The following LINGO2 variants were observed in gnomAD, a reference collection of about 807,000 sequenced individuals.
LINGO2 encodes leucine rich repeat and Ig domain containing 2, also known as leucine-rich repeat and immunoglobulin-like domain-containing nogo receptor-interacting protein 2.
A neutral mutation model predicts 30.6 loss-of-function variants in LINGO2; 14 were observed. That is an observed-to-expected ratio of 0.46 (90% CI 0.30 to 0.72). The LOEUF is 0.72. LINGO2 is among the 30% of genes least tolerant of loss of function. The probability of loss-of-function intolerance (pLI) is 0.07; values close to 1 mark genes in which losing one functional copy is unlikely to be tolerated. For synonymous variants in LINGO2, 317 were observed against 288.5 expected (o/e 1.10, Z -1.00); for missense variants, 729 against 751.7 (o/e 0.97, Z 0.35).
At chr9:28,189,236 AAAGGAAGG>A (rs1329122692) in intron 4 of LINGO2, among the ~76,000 whole-genome samples, 2 of 115,222 alleles carry the variant, frequency 1.7e-5, no homozygotes, top group Admixed American at 1.9e-4. Flanking sequence ...AGGAAGGAAA[AAAGGAAGG>A]GAGGAAGGGA....
chr9:28,424,070 T>G (rs1291450753), intron 2 of LINGO2, among the ~76,000 whole-genome samples: 1 of 152,102 alleles, frequency 6.6e-6, no homozygotes, highest in East Asian at 1.9e-4. Flanking sequence ...TGCCTACCCC[T>G]TGTCCACATT....
the LINGO2 span, among the ~76,000 whole-genome samples, chr9:28,684,850 T>A: frequency 2.0e-5 from 3 of 152,082 alleles, no homozygotes; most frequent in Non-Finnish European, 4.4e-5. Flanking sequence ...TTATTTTAGG[T>A]TCAGAGGTAC....
At chr9:28,577,613 C>T (rs1164259551) in intron 1 of LINGO2, among the ~76,000 whole-genome samples, 2 of 152,122 alleles carry the variant, frequency 1.3e-5, no homozygotes, top group African/African-American at 2.4e-5. Context: ...TGCAATTCCC[C>T]TGTCTTGATA....
chr9:28,955,157 C>T, the LINGO2 span, among the ~76,000 whole-genome samples: 1 of 150,278 alleles, frequency 6.7e-6, no homozygotes, highest in South Asian at 2.1e-4. Flanking sequence ...AAAAGAGAAA[C>T]AATCATAGAG....
chr9:27,979,266 A>C (rs567591263), intron 5 of LINGO2, among the ~76,000 whole-genome samples: 59 of 152,028 alleles, frequency 3.9e-4, no homozygotes, highest in African/African-American at 1.3e-3. Flanking sequence ...TTGTACCAGG[A>C]TTTGCCATCC....
the LINGO2 span, among the ~76,000 whole-genome samples, chr9:29,132,952 C>CA: frequency 6.6e-6 from 1 of 151,888 alleles, no homozygotes; most frequent in Admixed American, 6.6e-5. Flanking sequence ...AACTCCTGGG[C>CA]TCAGGTAATC....
At chr9:28,556,874 C>A (rs1469596337) in intron 1 of LINGO2, among the ~76,000 whole-genome samples, 1 of 151,980 alleles carries the variant, frequency 6.6e-6, no homozygotes, top group East Asian at 1.9e-4. Context: ...TTTGAAAAAC[C>A]TGAGAAAAAC....
chr9:29,021,936 T>C, the LINGO2 span, among the ~76,000 whole-genome samples: 7 of 152,266 alleles, frequency 4.6e-5, no homozygotes, highest in South Asian at 8.3e-4. Context: ...AAATTATCTG[T>C]TTGTCATGAA....
chr9:28,001,359 TG>T (rs1285370817), intron 5 of LINGO2, among the ~76,000 whole-genome samples: 14 of 152,272 alleles, frequency 9.2e-5, no homozygotes, highest in Non-Finnish European at 1.8e-4. Flanking sequence ...ATCATCGACT[TG>T]TAGAATTTCT....
At chr9:28,234,736 T>A (rs1347827126) in intron 4 of LINGO2, among the ~76,000 whole-genome samples, 1 of 149,234 alleles carries the variant, frequency 6.7e-6, no homozygotes, top group Non-Finnish European at 1.5e-5. Flanking sequence ...GGCCACAGAC[T>A]GTCAGCTTCC....
At chr9:28,885,096 C>G in the LINGO2 span, among the ~76,000 whole-genome samples, 1 of 142,942 alleles carries the variant, frequency 7.0e-6, no homozygotes, top group African/African-American at 2.6e-5. Flanking sequence ...GCAGGGTCCC[C>G]TCCCTTTGGC....
chr9:29,213,400 C>T, the LINGO2 span, among the ~76,000 whole-genome samples: 2 of 152,206 alleles, frequency 1.3e-5, no homozygotes, highest in African/African-American at 4.8e-5. Context: ...AGCTTCGGAA[C>T]ACCGTCTCCC....
At chr9:27,938,532 A>T in the LINGO2 span, 1 of 151,978 alleles carries the variant, frequency 6.6e-6, no homozygotes, top group Non-Finnish European at 1.5e-5. Context: ...AGCCCTAGGG[A>T]CTCTCACTCC....
rs76123032 is a variant in LINGO2 at position 28,486,490 on chromosome 9, C to T, written c.-364-10465G>A. ...AAGATATTGTCTCCTGGAAATTTTT[C>T]CCAGTGCCTTATATTTTCCAAAGAA... On this transcript the variant is annotated intron_variant, in intron 1 of 5. Coordinates refer to ENST00000379992, the Ensembl canonical transcript of LINGO2. 5.5e-3 allele frequency among the ~76,000 whole-genome samples: 837 copies of T among 152,230 alleles called. 38 individuals are homozygous for T. In the East Asian group the frequency reaches 0.094, roughly 17 times the overall value.
At chr9:28,160,385 A>G (rs1056253667) in intron 4 of LINGO2, among the ~76,000 whole-genome samples, 1 of 152,222 alleles carries the variant, frequency 6.6e-6, no homozygotes, top group African/African-American at 2.4e-5. Flanking sequence ...AGAAACTGAA[A>G]AAAGAATTCT....
At chr9:28,746,143 T>G in the LINGO2 span, among the ~76,000 whole-genome samples, 6 of 152,110 alleles carry the variant, frequency 3.9e-5, no homozygotes, top group African/African-American at 1.2e-4. Flanking sequence ...ATTTTAAAGA[T>G]CTGACAATTA....
chr9:28,496,851 C>T lies in LINGO2; in HGVS notation c.-364-20826G>A, dbSNP rs183917284. Reference sequence around the variant, plus strand: ...CTTCAGGAGCTCTTGTAGGGCAGGCCTGGTGGTGACAAAATCTCTCAACAT... The same window carrying T: ...CTTCAGGAGCTCTTGTAGGGCAGGCTTGGTGGTGACAAAATCTCTCAACAT... On this transcript the variant is annotated intron_variant, in intron 1 of 5. Transcript: ENST00000379992. Among the ~76,000 whole-genome samples, 4 of 152,182 alleles carry T rather than the reference C, an allele frequency of 2.6e-5. No individual in the cohort carries two copies. In the East Asian group the frequency reaches 7.7e-4, roughly 29 times the overall value.
intron 4 of LINGO2, among the ~76,000 whole-genome samples, chr9:28,034,845 C>G (rs926331450): frequency 6.6e-6 from 1 of 152,058 alleles, no homozygotes; most frequent in African/African-American, 2.4e-5. Flanking sequence ...CTTGTTTGAC[C>G]TCAGTCTTCA....
intron 4 of LINGO2, among the ~76,000 whole-genome samples, chr9:28,222,857 C>T (rs980281940): frequency 3.9e-5 from 6 of 152,130 alleles, no homozygotes; most frequent in African/African-American, 1.4e-4. Flanking sequence ...TTACATACAG[C>T]TTTAAGGATG....
Sources: allele counts gnomAD v4.1 joint callset (sites outside exome capture counted in the v4.1 genomes callset), GRCh38; gene constraint gnomAD v4.1.1; transcripts MANE v1.5; gene names NCBI Gene and HGNC (gene_info 2026-07-23, HGNC 2026-07-21).